Variants in ANO4 observed in about 807,000 individuals in gnomAD.
ANO4 encodes anoctamin 4.
A neutral mutation model predicts 141.9 loss-of-function variants in ANO4; 69 were observed. The ratio of observed to expected loss-of-function variants is 0.49; its 90% CI spans 0.40 to 0.59. ANO4 has a LOEUF of 0.59. Among genes scored for constraint, ANO4 ranks in the 20% least tolerant of loss-of-function variants. The probability of loss-of-function intolerance (pLI) is 0.00; values close to 1 mark genes in which losing one functional copy is unlikely to be tolerated. For synonymous variants in ANO4, 350 were observed against 394.3 expected (o/e 0.89, Z 1.33); for missense variants, 894 against 1,162.2 (o/e 0.77, Z 3.36).
intron 5 of ANO4, among the ~76,000 whole-genome samples, chr12:100,955,644 T>C (rs1439734655): frequency 6.6e-6 from 1 of 152,182 alleles, no homozygotes; most frequent in Non-Finnish European, 1.5e-5. Flanking sequence ...CACAATATGC[T>C]CAGCGTATTT....
intron 11 of ANO4, among the ~76,000 whole-genome samples, chr12:101,041,974 C>A (rs139749219): frequency 6.6e-6 from 1 of 152,230 alleles, no homozygotes; most frequent in African/African-American, 2.4e-5. Flanking sequence ...TCTCTCGAAT[C>A]GGGCCCCACC....
At chr12:100,727,597 T>C (rs2031186647) in intron 1 of ANO4, among the ~76,000 whole-genome samples, 1 of 152,162 alleles carries the variant, frequency 6.6e-6, no homozygotes, top group Non-Finnish European at 1.5e-5. Flanking sequence ...CATTTAGTTT[T>C]TTTTGGTTGT....
At chr12:101,028,925 C>T (rs189389637) in intron 9 of ANO4, among the ~76,000 whole-genome samples, 8 of 152,246 alleles carry the variant, frequency 5.3e-5, no homozygotes, top group Non-Finnish European at 1.2e-4. Flanking sequence ...TAAGGGCAGC[C>T]AGAGAGGAAG....
chr12:101,110,469 C>T lies in ANO4; in HGVS notation c.2215C>T (p.Leu739=). ...TCCCCTAGCACCACTTCTGGCCTTA[C>T]TGAATAACATAATTGAAATTCGACT... ...AFPLAPLLAL[L]NNIIEIRLDA... is the part of the protein sequence containing the mutation. The change falls in exon 23 of 28, where the codon CTG becomes TTG. Residue 739 remains leucine (L), a synonymous_variant. Transcript: ENST00000392977. 6.2e-7 allele frequency: 1 copy of T among 1,612,436 alleles called. No homozygotes were observed. Among genetic ancestry groups the T allele is most frequent in the South Asian group, 1.1e-5 (1 of 90,636 alleles).
intron 5 of ANO4, among the ~76,000 whole-genome samples, chr12:100,944,287 T>A (rs1465368746): frequency 2.0e-5 from 3 of 152,174 alleles, no homozygotes; most frequent in African/African-American, 7.2e-5. Flanking sequence ...ACAGTTGTGC[T>A]GCACAGTACA....
At chr12:100,732,731 G>C (rs1365900029) in intron 1 of ANO4, among the ~76,000 whole-genome samples, 2 of 152,070 alleles carry the variant, frequency 1.3e-5, no homozygotes, top group African/African-American at 4.8e-5. Flanking sequence ...ATCTAGATTT[G>C]AGCTCTCTTC....
At chr12:100,815,919 A>G (rs1194676614) in intron 1 of ANO4, among the ~76,000 whole-genome samples, 2 of 152,098 alleles carry the variant, frequency 1.3e-5, no homozygotes, top group African/African-American at 2.4e-5. Context: ...ACTTTTATCC[A>G]TTTATGCAAC....
chr12:100,816,193 A>G (rs1459598019), intron 1 of ANO4, among the ~76,000 whole-genome samples: 1 of 152,036 alleles, frequency 6.6e-6, no homozygotes, highest in Non-Finnish European at 1.5e-5. Flanking sequence ...GTATGGTACA[A>G]TCTCTGTCCT....
At chr12:100,721,152 A>G (rs1053530174) in intron 1 of ANO4, among the ~76,000 whole-genome samples, 1 of 152,080 alleles carries the variant, frequency 6.6e-6, no homozygotes, top group Non-Finnish European at 1.5e-5. Flanking sequence ...TTGTGTTAGC[A>G]TCACAAACTC....
At chr12:100,846,774 T>C (rs928929195) in intron 1 of ANO4, among the ~76,000 whole-genome samples, 5 of 152,214 alleles carry the variant, frequency 3.3e-5, no homozygotes, top group Non-Finnish European at 7.3e-5. Context: ...ATGTTTTCCT[T>C]TTCCTTCTTT....
intron 1 of ANO4, among the ~76,000 whole-genome samples, chr12:100,843,637 C>A (rs996548030): frequency 2.0e-5 from 3 of 152,096 alleles, no homozygotes; most frequent in Non-Finnish European, 4.4e-5. Context: ...ACATAAAATC[C>A]TGTTATTGTT....
At position 100,885,242 on chromosome 12, in the gene ANO4, A is replaced by G. The variant is rs111299869; in HGVS notation, c.-140-16404A>G. On this transcript the variant is annotated intron_variant, in intron 1 of 27. Coordinates refer to ENST00000392977, the MANE Select transcript of ANO4 (RefSeq NM_001286615.2). ...AAGGTGACATATTCACAGGTTCCAG[A>G]GATGAAGAGTTGGGCATTTTAGCAG... 8.9e-3 allele frequency among the ~76,000 whole-genome samples: 1,362 copies of G among 152,336 alleles called. 9 individuals are homozygous for G. Among genetic ancestry groups the G allele is most frequent in the Non-Finnish European group, 0.015 (1,047 of 68,026 alleles).
intron 5 of ANO4, among the ~76,000 whole-genome samples, chr12:100,963,461 C>T (rs914836168): frequency 6.6e-6 from 1 of 151,926 alleles, no homozygotes; most frequent in African/African-American, 2.4e-5. Flanking sequence ...CAAGAGGCTT[C>T]TCTCCACCAG....
intron 2 of ANO4, among the ~76,000 whole-genome samples, chr12:100,914,958 G>A (rs1042922971): frequency 1.3e-5 from 2 of 152,110 alleles, no homozygotes; most frequent in African/African-American, 2.4e-5. Flanking sequence ...GTGATTACAG[G>A]TATGCACCAA....
intron 3 of ANO4, among the ~76,000 whole-genome samples, chr12:100,753,329 C>T (rs1398653822): frequency 1.3e-5 from 2 of 152,082 alleles, no homozygotes; most frequent in African/African-American, 4.8e-5. Context: ...TCTATCACAG[C>T]CTCTCTATCT....
At chr12:101,127,114 G>A (rs1444151541) in intron 27 of ANO4, 40 bp downstream of exon 27, 1 of 1,559,690 alleles carries the variant, frequency 6.4e-7, no homozygotes, top group Non-Finnish European at 8.7e-7. Context: ...GCCATTCCGA[G>A]GTTGAATGGG....
At chr12:100,831,556 G>A (rs1028526606) in intron 1 of ANO4, among the ~76,000 whole-genome samples, 3 of 152,090 alleles carry the variant, frequency 2.0e-5, no homozygotes, top group Non-Finnish European at 4.4e-5. Flanking sequence ...AAACAATTTG[G>A]GGAGGGCACT....
Position 101,110,576 on chromosome 12 carries a change from G to A in ANO4, c.2302+20G>A, listed in dbSNP as rs376754631. On this transcript the variant is annotated intron_variant, in intron 23 of 27. Coordinates refer to ENST00000392977, the MANE Select transcript of ANO4 (RefSeq NM_001286615.2). ...ACATAGGTAAGTTGGATTTGGGTATGTTTTTAAAAAACATATTAAACATCT... is the reference window on the plus strand; with the variant it reads ...ACATAGGTAAGTTGGATTTGGGTATATTTTTAAAAAACATATTAAACATCT... 9.2e-6 allele frequency: 14 copies of A among 1,522,376 alleles called. No homozygotes were observed. The African/African-American group carries it at 1.1e-4, about 12-fold the overall frequency. The allele number at this position is 1,522,376 out of a possible 1,614,324, so 94.3% of individuals were successfully genotyped here.
intron 1 of ANO4, among the ~76,000 whole-genome samples, chr12:100,805,860 CT>C (rs1179575161): frequency 6.6e-6 from 1 of 151,972 alleles, no homozygotes; most frequent in Non-Finnish European, 1.5e-5. Flanking sequence ...ATCATAGAAC[CT>C]AAACAGTGGA....
Sources: allele counts gnomAD v4.1 joint callset (sites outside exome capture counted in the v4.1 genomes callset), GRCh38; gene constraint gnomAD v4.1.1; transcripts MANE v1.5; gene names NCBI Gene and HGNC (gene_info 2026-07-23, HGNC 2026-07-21).